Variants in ABLIM3 observed in about 807,000 individuals in gnomAD.
ABLIM3 encodes actin binding LIM protein family member 3.
Under a neutral mutation model 109.5 loss-of-function variants are expected in ABLIM3, and 61 were observed. That is an observed-to-expected ratio of 0.56 (90% CI 0.45 to 0.69). The LOEUF is 0.69. Ranked by LOEUF, ABLIM3 falls within the 30% of genes least tolerant of loss-of-function variation. The pLI is 0.00. For synonymous variants in ABLIM3, 300 were observed against 324.8 expected, an observed-to-expected ratio of 0.92 and a Z score of 0.82; for missense variants, 796 against 889.5, an observed-to-expected ratio of 0.89 and a Z score of 1.34.
Position 149,246,425 on chromosome 5 carries a change from T to G in ABLIM3, c.1487-57T>G. ...TTTCTTTTTTAAAAAAAAAATGCCT[T>G]AAGCCAGGCTGAGTGGGGTGCACAT... On this transcript the variant is annotated intron_variant, in intron 16 of 23. Transcript: ENST00000309868. 3 of 1,548,140 alleles carry G rather than the reference T, an allele frequency of 1.9e-6. No individual in the cohort carries two copies. The South Asian group carries it at 3.6e-5, about 18-fold the overall frequency.
At chr5:149,210,931 C>A (rs928100621) in intron 7 of ABLIM3, 112 bp downstream of exon 7, 26 of 953,762 alleles carry the variant, frequency 2.7e-5, no homozygotes, top group Non-Finnish European at 4.1e-5. Context: ...TAGCCTTTAC[C>A]TCCTCCACCT....
rs966860690 is a variant in ABLIM3, at chr5:149,252,108, C to A, written c.1850-93C>A. 2.1e-6 allele frequency: 3 copies of A among 1,439,866 alleles called. No individual in the cohort carries two copies. The Admixed American group carries it at 5.9e-5, about 29-fold the overall frequency. The allele number at this position is 1,439,866 out of a possible 1,614,324, so 89.2% of individuals were successfully genotyped here. On this transcript the variant is annotated intron_variant, in intron 21 of 23. Transcript: ENST00000309868. The stretch of plus-strand genomic sequence containing the variant: ...GAGAAGGAGACAATAGAGGCCAGAC[C>A]CCCTGAGAGAGTAGGACAGAGGCCT...
At chr5:149,180,657 G>A (rs1231716043) in intron 2 of ABLIM3, among the ~76,000 whole-genome samples, 5 of 152,154 alleles carry the variant, frequency 3.3e-5, no homozygotes, top group South Asian at 2.1e-4. Context: ...GTTGTATGGT[G>A]TATGTATGTA....
chr5:149,163,760 G>T (rs368775624), intron 2 of ABLIM3, among the ~76,000 whole-genome samples: 1 of 152,098 alleles, frequency 6.6e-6, no homozygotes, highest in Non-Finnish European at 1.5e-5. Flanking sequence ...GAATTTGGGG[G>T]GTGAGAGAGA....
At chr5:149,141,974 C>A in intron 1 of ABLIM3, 35 bp from the exon 2 acceptor site, 2 of 1,385,330 alleles carry the variant, frequency 1.4e-6, no homozygotes, top group African/African-American at 1.4e-5. Flanking sequence ...CCTGAGGATA[C>A]AGAGCTGGCA....
At chr5:149,147,311 T>G (rs1318653074) in intron 2 of ABLIM3, among the ~76,000 whole-genome samples, 1 of 152,212 alleles carries the variant, frequency 6.6e-6, no homozygotes, top group Non-Finnish European at 1.5e-5. Context: ...TTTCCATATC[T>G]TTTGAGATAA....
intron 2 of ABLIM3, among the ~76,000 whole-genome samples, chr5:149,159,133 A>C (rs1754104974): frequency 6.6e-6 from 1 of 152,262 alleles, no homozygotes; most frequent in Non-Finnish European, 1.5e-5. Context: ...CCAAATGTTT[A>C]TATATAGACA....
At chr5:149,186,438 T>A (rs1233026903) in intron 3 of ABLIM3, among the ~76,000 whole-genome samples, 1 of 152,100 alleles carries the variant, frequency 6.6e-6, no homozygotes, top group Non-Finnish European at 1.5e-5. Flanking sequence ...TATGAAAAAT[T>A]ACTTATGAAA....
intron 2 of ABLIM3, among the ~76,000 whole-genome samples, chr5:149,178,129 C>A (rs917044240): frequency 6.6e-6 from 1 of 151,952 alleles, no homozygotes; most frequent in African/African-American, 2.4e-5. Context: ...CCTGGCTCAA[C>A]TCTGAAATCA....
At chr5:149,233,199 T>G in intron 9 of ABLIM3, 30 bp from the exon 10 acceptor site, 2 of 1,612,264 alleles carry the variant, frequency 1.2e-6, no homozygotes, top group Non-Finnish European at 1.7e-6. Flanking sequence ...TTGCAGCTTC[T>G]CACCTTTTCT....
At chr5:149,214,007 AC>A (rs1337665995) in intron 7 of ABLIM3, among the ~76,000 whole-genome samples, 1 of 152,128 alleles carries the variant, frequency 6.6e-6, no homozygotes, top group East Asian at 1.9e-4. Context: ...GCTCTCAGCC[AC>A]TTGGGGGTCT....
chr5:149,214,585 A>T (rs1376399236), intron 7 of ABLIM3, among the ~76,000 whole-genome samples: 1 of 152,202 alleles, frequency 6.6e-6, no homozygotes, highest in Non-Finnish European at 1.5e-5. Flanking sequence ...CCCACCAAGG[A>T]AAGGCTTGGG....
chr5:149,157,360 A>G (rs1041772529), intron 2 of ABLIM3, among the ~76,000 whole-genome samples: 1 of 152,108 alleles, frequency 6.6e-6, no homozygotes, highest in Admixed American at 6.6e-5. Flanking sequence ...CTCCCGATTC[A>G]CATTTCCTAC....
intron 2 of ABLIM3, among the ~76,000 whole-genome samples, chr5:149,142,311 A>G (rs1752538645): frequency 6.6e-6 from 1 of 152,098 alleles, no homozygotes; most frequent in African/African-American, 2.4e-5. Context: ...TTTTGCCAAT[A>G]TTTTATCAGC....
rs559235737 is a variant in ABLIM3, at chr5:149,226,377, C to T, written c.758-4272C>T. Among the ~76,000 whole-genome samples, 37 of 152,046 alleles carry T rather than the reference C, an allele frequency of 2.4e-4. 1 individual carries two copies. The East Asian group carries it at 6.4e-3, about 26-fold the overall frequency. On this transcript the variant is annotated intron_variant, in intron 8 of 23. Transcript: ENST00000309868. ...GCATGCACCTGTAGTCCCAGCTACTCGGGAGGCTGAGGCAGGAGAATCGCT... is the reference window on the plus strand; with the variant it reads ...GCATGCACCTGTAGTCCCAGCTACTTGGGAGGCTGAGGCAGGAGAATCGCT...
chr5:149,168,815 T>G (rs1755071753), intron 2 of ABLIM3, among the ~76,000 whole-genome samples: 1 of 152,260 alleles, frequency 6.6e-6, no homozygotes, highest in African/African-American at 2.4e-5. Context: ...ATTCTGTCAG[T>G]GCTGAAGACT....
intron 2 of ABLIM3, among the ~76,000 whole-genome samples, chr5:149,167,230 G>T (rs1754915216): frequency 6.6e-6 from 1 of 151,992 alleles, no homozygotes; most frequent in Non-Finnish European, 1.5e-5. Context: ...CATTCTCATT[G>T]TTTTACTACA....
intron 21 of ABLIM3, among the ~76,000 whole-genome samples, chr5:149,251,923 G>C (rs914435410): frequency 2.0e-5 from 3 of 152,206 alleles, no homozygotes; most frequent in Non-Finnish European, 4.4e-5. Flanking sequence ...TCAGATCTCA[G>C]ATTCTTCTAA....
Position 149,215,054 on chromosome 5 carries a change from C to T in ABLIM3, c.670-1905C>T, listed in dbSNP as rs549878513. 5.3e-5 allele frequency among the ~76,000 whole-genome samples: 8 copies of T among 152,334 alleles called. No homozygotes were observed. In the South Asian group the frequency reaches 1.7e-3, roughly 32 times the overall value. On this transcript the variant is annotated intron_variant, in intron 7 of 23. Coordinates refer to ENST00000309868, the MANE Select transcript of ABLIM3 (RefSeq NM_014945.5). ...CTCCCTTTGCTCAAACTGTTTTCAA[C>T]ACCATCCAAGACTGGGGCTGCTGAG...
Sources: gnomAD v4.1 joint callset for allele counts (sites outside exome capture counted in the v4.1 genomes callset) on GRCh38, gnomAD v4.1.1 for gene constraint, MANE v1.5 for transcripts, NCBI Gene and HGNC (gene_info 2026-07-23, HGNC 2026-07-21) for gene names.